Variants in PDE4D observed in about 807,000 individuals in gnomAD.
PDE4D encodes 3',5'-cyclic-AMP phosphodiesterase 4D.
PDE4D carries 24 observed loss-of-function variants against 87.4 expected under a neutral mutation model. The ratio of observed to expected loss-of-function variants is 0.27; its 90% confidence interval spans 0.20 to 0.39. The LOEUF (loss-of-function observed/expected upper bound fraction) is 0.39, where lower values mean the gene tolerates loss of function less well. PDE4D is among the 10% of genes least tolerant of loss of function. PDE4D has a pLI of 1.00. For missense variants in PDE4D, 714 were observed against 1,041.0 expected, an observed-to-expected ratio of 0.69 and a Z score of 4.32; for synonymous variants, 384 against 383.2, an observed-to-expected ratio of 1.00 and a Z score of -0.02.
At chr5:59,633,338 C>T (rs1295423628) in intron 1 of PDE4D, among the ~76,000 whole-genome samples, 1 of 152,168 alleles carries the variant, frequency 6.6e-6, no homozygotes, top group East Asian at 1.9e-4. Flanking sequence ...AGGAGAACTT[C>T]CCCAACCTAG....
At chr5:59,430,573 C>G in intron 1 of PDE4D, 3 of 459,798 alleles carry the variant, frequency 6.5e-6, no homozygotes, top group Non-Finnish European at 1.1e-5. Context: ...GCGTGTTTCT[C>G]GGAGGCTAAA....
chr5:59,515,068 T>C (rs1434418454), intron 1 of PDE4D, among the ~76,000 whole-genome samples: 2 of 152,168 alleles, frequency 1.3e-5, no homozygotes, highest in African/African-American at 4.8e-5. Context: ...TAATTCACAA[T>C]GTTAAGAGAT....
chr5:59,004,113 G>A (rs1751080409), intron 6 of PDE4D, among the ~76,000 whole-genome samples: 1 of 149,706 alleles, frequency 6.7e-6, no homozygotes. Flanking sequence ...ATACATATAG[G>A]CTAAATACTC....
chr5:59,854,124 T>G (rs1254826603), intron 1 of PDE4D, among the ~76,000 whole-genome samples: 2 of 152,098 alleles, frequency 1.3e-5, no homozygotes, highest in Non-Finnish European at 2.9e-5. Context: ...TTGCAATGTA[T>G]ATCTTAACCA....
At chr5:59,436,457 C>G (rs931025003) in intron 1 of PDE4D, among the ~76,000 whole-genome samples, 2 of 152,140 alleles carry the variant, frequency 1.3e-5, no homozygotes, top group African/African-American at 4.8e-5. Context: ...CTGAAACAAA[C>G]ATACTATTCT....
intron 5 of PDE4D, among the ~76,000 whole-genome samples, chr5:59,080,262 A>C (rs1766499661): frequency 6.6e-6 from 1 of 152,148 alleles, no homozygotes; most frequent in South Asian, 2.1e-4. Context: ...TTGAAACACA[A>C]ATAAGTGTGA....
chr5:59,573,044 C>T (rs1561236759), intron 1 of PDE4D, among the ~76,000 whole-genome samples: 2 of 152,244 alleles, frequency 1.3e-5, no homozygotes, highest in Middle Eastern at 3.4e-3. Context: ...ATCCAATGGA[C>T]ACGGGGATTT....
At chr5:59,869,090 A>T (rs1747448223) in intron 1 of PDE4D, among the ~76,000 whole-genome samples, 1 of 152,194 alleles carries the variant, frequency 6.6e-6, no homozygotes, top group Non-Finnish European at 1.5e-5. Context: ...AGTGGTCAGA[A>T]AAACAAGCCT....
intron 2 of PDE4D, among the ~76,000 whole-genome samples, chr5:60,106,843 G>A (rs1404740751): frequency 3.3e-5 from 5 of 151,252 alleles, no homozygotes; most frequent in African/African-American, 1.2e-4. Context: ...AGAATCTCTG[G>A]GACACATTCA....
intron 1 of PDE4D, among the ~76,000 whole-genome samples, chr5:59,479,688 T>C (rs976609197): frequency 2.6e-5 from 4 of 152,138 alleles, no homozygotes; most frequent in Admixed American, 1.3e-4. Context: ...TTTGTCTCAG[T>C]TGAATATACA....
chr5:59,244,826 G>T (rs1052934018), intron 1 of PDE4D, among the ~76,000 whole-genome samples: 3 of 150,076 alleles, frequency 2.0e-5, no homozygotes, highest in Admixed American at 6.7e-5. Context: ...TGTTTGTGGG[G>T]TATGTGTGTA....
intron 1 of PDE4D, among the ~76,000 whole-genome samples, chr5:59,853,458 C>G (rs1744974382): frequency 1.3e-5 from 2 of 151,886 alleles, no homozygotes; most frequent in Admixed American, 1.3e-4. Context: ...AAAATTTATC[C>G]ATAATCCCCA....
chr5:59,316,456 G>A (rs1322881542), intron 1 of PDE4D, among the ~76,000 whole-genome samples: 1 of 151,928 alleles, frequency 6.6e-6, no homozygotes, highest in South Asian at 2.1e-4. Flanking sequence ...GGGTTGAGAT[G>A]GGGAAAATGA....
At chr5:59,205,307 A>T (rs1160117822) in intron 2 of PDE4D, among the ~76,000 whole-genome samples, 1 of 152,166 alleles carries the variant, frequency 6.6e-6, no homozygotes, top group African/African-American at 2.4e-5. Flanking sequence ...TAAAATTAAC[A>T]TATATATTGA....
chr5:59,577,092 T>C (rs1823295279), intron 1 of PDE4D, among the ~76,000 whole-genome samples: 1 of 152,134 alleles, frequency 6.6e-6, no homozygotes, highest in South Asian at 2.1e-4. Flanking sequence ...GGACTTCATA[T>C]CATGTTATTT....
intron 1 of PDE4D, among the ~76,000 whole-genome samples, chr5:60,476,484 C>T (rs183029209): frequency 1.2e-4 from 18 of 152,284 alleles, no homozygotes; most frequent in Admixed American, 2.0e-4. Flanking sequence ...CTGTGCCCCA[C>T]GCAGCAGCCA....
intron 2 of PDE4D, among the ~76,000 whole-genome samples, chr5:60,059,887 T>A (rs1331999683): frequency 1.3e-5 from 2 of 151,550 alleles, no homozygotes; most frequent in Admixed American, 1.3e-4. Context: ...CATGTTCTGA[T>A]CCCCCCCAGG....
At position 60,430,040 on chromosome 5, in the gene PDE4D, C is replaced by T. The variant is rs183189306; in HGVS notation, c.-90+57902G>A. 735 of 522,758 alleles carry T rather than the reference C, an allele frequency of 1.4e-3. 6 individuals carry two copies. The highest frequency in any genetic ancestry group is 0.013 in the African/African-American group (673 of 52,046). 32.4% of individuals were successfully genotyped at this position (522,758 alleles called of 1,614,324 possible). On this transcript the variant is annotated intron_variant, in intron 1 of 16. Coordinates refer to the PDE4D transcript ENST00000502484. ...AACCGAACATGGATACAGTATGAGA[C>T]GTTGCTTATTCCTTTGGCCCAGACA...
intron 11 of PDE4D, among the ~76,000 whole-genome samples, chr5:58,979,663 A>G (rs1478982695): frequency 1.3e-5 from 2 of 152,152 alleles, no homozygotes; most frequent in Non-Finnish European, 2.9e-5. Flanking sequence ...CTTATATAAC[A>G]TTTTTGTTGA....
Sources: gnomAD v4.1 joint callset for allele counts (sites outside exome capture counted in the v4.1 genomes callset) on GRCh38, gnomAD v4.1.1 for gene constraint, MANE v1.5 for transcripts, NCBI Gene and HGNC (gene_info 2026-07-23, HGNC 2026-07-21) for gene names.